Variants in FBN2 observed in about 807,000 individuals in gnomAD.
The protein encoded by FBN2 is fibrillin 2, also known as fibrillin-2.
FBN2 carries 105 observed loss-of-function variants against 355.6 expected under a neutral mutation model. The ratio of observed to expected loss-of-function variants is 0.30; its 90% CI spans 0.25 to 0.35. The LOEUF (loss-of-function observed/expected upper bound fraction) is 0.35. Among genes scored for constraint, FBN2 ranks in the 10% least tolerant of loss-of-function variants. The pLI, the probability that FBN2 is intolerant of heterozygous loss-of-function variation, is 1.00. For missense variants in FBN2, 3,280 were observed against 3,758.7 expected, an observed-to-expected ratio of 0.87 and a Z score of 3.33; for synonymous variants, 1,350 against 1,301.2, an observed-to-expected ratio of 1.04 and a Z score of -0.81.
chr5:128,453,207 T>C (rs889221993), intron 6 of FBN2, among the ~76,000 whole-genome samples: 2 of 152,188 alleles, frequency 1.3e-5, no homozygotes, highest in African/African-American at 4.8e-5. Flanking sequence ...GAAATTGTAA[T>C]AACAAGAACA....
At chr5:128,365,667 C>T (rs983512473) in intron 17 of FBN2, among the ~76,000 whole-genome samples, 11 of 148,922 alleles carry the variant, frequency 7.4e-5, no homozygotes, top group Admixed American at 2.0e-4. Flanking sequence ...TATATATAAC[C>T]GTATATATAT....
chr5:128,387,795 C>T (rs1033865619), intron 11 of FBN2, among the ~76,000 whole-genome samples: 4 of 152,070 alleles, frequency 2.6e-5, no homozygotes, highest in African/African-American at 9.7e-5. Context: ...TGCTATGTTA[C>T]AGATGAGAAG....
intron 7 of FBN2, among the ~76,000 whole-genome samples, chr5:128,412,546 C>T (rs528727566): frequency 5.3e-5 from 8 of 152,208 alleles, no homozygotes; most frequent in African/African-American, 1.7e-4. Flanking sequence ...TGTGGCCAGT[C>T]GAGTGAAGTT....
At chr5:128,529,392 T>A (rs7726795) in intron 3 of FBN2, among the ~76,000 whole-genome samples, 5 of 151,824 alleles carry the variant, frequency 3.3e-5, no homozygotes, top group Non-Finnish European at 4.4e-5. Flanking sequence ...TCAAAGAAAA[T>A]GAAAAACAAC....
In FBN2 at chr5:128,345,429, C is replaced by T. The variant is rs771853346; in HGVS notation, c.3145G>A (p.Glu1049Lys). 5.0e-6 allele frequency: 8 copies of T among 1,614,014 alleles called. No homozygotes were observed. Among genetic ancestry groups the T allele is most frequent in the African/African-American group, 2.7e-5 (2 of 74,912 alleles). The change falls in exon 24 of 65, where the codon GAG becomes AAG. Residue 1049 changes from glutamate (E) to lysine (K), a missense_variant. By Grantham distance (56) the Glu-to-Lys change is moderately conservative. Around this residue, in one of 6 missense-constraint regions of FBN2, gnomAD observed 2,284 missense variants for 2,749.5 expected, o/e 0.83. Transcript: ENST00000262464. ...CCAGCCCCGCGGGGGCACAGCGTCTCGTATTCCTTGGTGCCAGGTTTGGGG... is the reference window on the plus strand; with the variant it reads ...CCAGCCCCGCGGGGGCACAGCGTCTTGTATTCCTTGGTGCCAGGTTTGGGG... ...ECPKPGTKEYETLCPRGAGFA... is the reference protein window; with the variant it reads ...ECPKPGTKEYKTLCPRGAGFA...
At chr5:128,368,418 G>GTA (rs202064445) in intron 16 of FBN2, among the ~76,000 whole-genome samples, 1 of 119,570 alleles carries the variant, frequency 8.4e-6, no homozygotes, top group Non-Finnish European at 1.8e-5. Flanking sequence ...GTGTGTGTGT[G>GTA]TGTATATATA....
chr5:128,314,881 C>T (rs1006385030), intron 36 of FBN2, among the ~76,000 whole-genome samples: 1 of 152,128 alleles, frequency 6.6e-6, no homozygotes, highest in Non-Finnish European at 1.5e-5. Flanking sequence ...CTGTAAACCT[C>T]CAGTCTGTCA....
At chr5:128,370,168 CT>C (rs1751893689) in intron 15 of FBN2, among the ~76,000 whole-genome samples, 1 of 152,090 alleles carries the variant, frequency 6.6e-6, no homozygotes, top group East Asian at 1.9e-4. Flanking sequence ...ACTCTTAATT[CT>C]CATAAAATAC....
At chr5:128,390,757 A>G (rs1282028078) in intron 11 of FBN2, among the ~76,000 whole-genome samples, 1 of 152,188 alleles carries the variant, frequency 6.6e-6, no homozygotes, top group Non-Finnish European at 1.5e-5. Flanking sequence ...AGTTATTCAG[A>G]GTTATTAATC....
chr5:128,441,861 T>C (rs1753930707), intron 7 of FBN2: 1 of 152,316 alleles, frequency 6.6e-6, no homozygotes, highest in Admixed American at 6.5e-5. Flanking sequence ...CCAAAAAGTC[T>C]TATCTGTTTC....
intron 5 of FBN2, among the ~76,000 whole-genome samples, chr5:128,509,271 T>C (rs1294809873): frequency 6.6e-6 from 1 of 152,192 alleles, no homozygotes; most frequent in East Asian, 1.9e-4. Context: ...TCTCCTACAT[T>C]CTTAAGCCTT....
intron 11 of FBN2, among the ~76,000 whole-genome samples, chr5:128,384,563 A>G (rs1221833358): frequency 6.6e-6 from 1 of 152,092 alleles, no homozygotes. Context: ...GACTTTTAGG[A>G]GTCATGAACA....
chr5:128,329,134 C>T (rs1235033459), intron 33 of FBN2, among the ~76,000 whole-genome samples: 1 of 151,886 alleles, frequency 6.6e-6, no homozygotes, highest in Admixed American at 6.6e-5. Flanking sequence ...CAGTAGTATG[C>T]CAACATTATT....
chr5:128,345,569 T>C lies in FBN2; in HGVS notation c.3005A>G (p.Gln1002Arg), dbSNP rs745497728. The C allele has an allele frequency of 6.2e-7, 1 of 1,612,406 alleles. No homozygotes were observed. The highest frequency in any genetic ancestry group is 2.2e-5 in the East Asian group (1 of 44,718). Residue 1002 changes from glutamine to arginine, a missense_variant, in exon 24 of 65, where the codon CAG becomes CGG. Physicochemically the swap from Gln to Arg is conservative, Grantham distance 43. Transcript: ENST00000262464. ...ATCTTCATCCCACTTCAAGTAACAC[T>C]GCTCCATGCGAATATCTACACCGAG... The part of the protein sequence containing the change: ...GRVCLDIRME[Q>R]CYLKWDEDEC...
intron 5 of FBN2, among the ~76,000 whole-genome samples, chr5:128,480,655 A>T (rs998089272): frequency 6.6e-6 from 1 of 152,128 alleles, no homozygotes; most frequent in Non-Finnish European, 1.5e-5. Flanking sequence ...GGTTGCAGTG[A>T]GCCAAGATTG....
At chr5:128,429,643 A>T (rs1385113679) in intron 7 of FBN2, among the ~76,000 whole-genome samples, 2 of 152,228 alleles carry the variant, frequency 1.3e-5, no homozygotes, top group Non-Finnish European at 2.9e-5. Context: ...GAAAATGAAG[A>T]CATAGAAGAA....
At chr5:128,456,293 T>A (rs887714690) in intron 6 of FBN2, among the ~76,000 whole-genome samples, 1 of 151,856 alleles carries the variant, frequency 6.6e-6, no homozygotes, top group Admixed American at 6.6e-5. Flanking sequence ...AGAATTTGGA[T>A]CTCCCTGGGC....
At chr5:128,394,248 A>G (rs966736815) in intron 9 of FBN2, among the ~76,000 whole-genome samples, 1 of 152,212 alleles carries the variant, frequency 6.6e-6, no homozygotes, top group Admixed American at 6.5e-5. Context: ...AGAATTGAAT[A>G]TATTAATATA....
intron 12 of FBN2, 71 bp downstream of exon 12, chr5:128,378,700 C>T: frequency 6.5e-6 from 10 of 1,550,198 alleles, no homozygotes; most frequent in South Asian, 1.1e-5. Context: ...AATAAATTTA[C>T]TTTTAACCTC....
Sources: allele counts gnomAD v4.1 joint callset (sites outside exome capture counted in the v4.1 genomes callset), GRCh38; gene constraint gnomAD v4.1.1; regional missense constraint gnomAD v4.1.1; transcripts MANE v1.5; gene names NCBI Gene and HGNC (gene_info 2026-07-23, HGNC 2026-07-21).